CDK19: variants seen among roughly 807,000 people sequenced by gnomAD.
CDK19 encodes the protein cyclin dependent kinase 19, also known as cyclin-dependent kinase 19.
In CDK19, 20 loss-of-function variants were observed where a neutral mutation model predicts 68.3. The ratio of observed to expected loss-of-function variants is 0.29; its 90% confidence interval spans 0.21 to 0.43. The LOEUF is 0.43. Among genes scored for constraint, CDK19 ranks in the 20% least tolerant of loss-of-function variants. The probability of loss-of-function intolerance (pLI) is 1.00; values close to 1 mark genes in which losing one functional copy is unlikely to be tolerated. For missense variants in CDK19, 339 were observed against 623.5 expected (o/e 0.54, Z 4.86); for synonymous variants, 221 against 222.8 (o/e 0.99, Z 0.07).
intron 2 of CDK19, among the ~76,000 whole-genome samples, chr6:110,674,537 A>G (rs1488450257): frequency 6.6e-6 from 1 of 152,236 alleles, no homozygotes; most frequent in East Asian, 1.9e-4. Context: ...AGAAAGCAAA[A>G]CAGCCTTATT....
intron 2 of CDK19, among the ~76,000 whole-genome samples, chr6:110,678,030 T>G (rs935963683): frequency 6.6e-6 from 1 of 152,042 alleles, no homozygotes; most frequent in African/African-American, 2.4e-5. Context: ...TATTTTTTTG[T>G]AGAAATGGGG....
intron 1 of CDK19, among the ~76,000 whole-genome samples, chr6:110,783,994 T>C (rs1338129325): frequency 1.3e-5 from 2 of 151,588 alleles, no homozygotes; most frequent in Admixed American, 1.3e-4. Flanking sequence ...ACCCCATCTC[T>C]ACTAAAAATA....
At position 110,610,477 on chromosome 6, in the gene CDK19, G is replaced by A. The variant is rs1777964343; in HGVS notation, c.*4058C>T. 1 of 150,724 alleles carries A rather than the reference G, an allele frequency of 6.6e-6. No homozygotes were observed. The highest frequency in any genetic ancestry group is 2.5e-5 in the African/African-American group (1 of 40,162). The allele number at this position is 150,724 out of a possible 1,614,324, so 9.3% of individuals were successfully genotyped here. ...TATTTAGGAGATAACAGTGCATTAA[G>A]GGTTTTTTTTTTTATATAATACATA... On this transcript the variant is annotated 3_prime_UTR_variant, in exon 13 of 13. Transcript: ENST00000368911.
At chr6:110,615,498 A>T (rs1417183030) in intron 12 of CDK19, among the ~76,000 whole-genome samples, 4 of 152,212 alleles carry the variant, frequency 2.6e-5, no homozygotes, top group African/African-American at 9.6e-5. Flanking sequence ...GAAAGAATAT[A>T]TGTAATAAAG....
intron 1 of CDK19, among the ~76,000 whole-genome samples, chr6:110,783,644 A>C (rs1268601615): frequency 6.6e-6 from 1 of 151,952 alleles, no homozygotes; most frequent in African/African-American, 2.4e-5. Context: ...TCTCAAAAAA[A>C]AAAAAGAAAA....
Position 110,786,382 on chromosome 6 carries a change from T to C in CDK19, c.128+28627A>G, listed in dbSNP as rs542814971. On this transcript the variant is annotated intron_variant, in intron 1 of 12. Coordinates refer to ENST00000368911, the MANE Select transcript of CDK19 (RefSeq NM_015076.5). ...CTTTTTTTCCATACCCCCAATTTCCTTCATGATTTCCTTAACTGGCTCTGT... is the reference window on the plus strand; with the variant it reads ...CTTTTTTTCCATACCCCCAATTTCCCTCATGATTTCCTTAACTGGCTCTGT... 2.3e-3 allele frequency among the ~76,000 whole-genome samples: 347 copies of C among 152,284 alleles called. 1 individual carries two copies. The highest frequency in any genetic ancestry group is 3.5e-3 in the Non-Finnish European group (236 of 68,026).
At chr6:110,704,529 T>G (rs1170559815) in intron 2 of CDK19, among the ~76,000 whole-genome samples, 13 of 152,242 alleles carry the variant, frequency 8.5e-5, no homozygotes, top group African/African-American at 2.2e-4. Flanking sequence ...ATGGGGATTA[T>G]CTATACCACT....
chr6:110,678,707 T>A (rs1771738756), intron 2 of CDK19, among the ~76,000 whole-genome samples: 1 of 152,246 alleles, frequency 6.6e-6, no homozygotes, highest in South Asian at 2.1e-4. Flanking sequence ...AAATTATTTG[T>A]AATTCAATAG....
intron 2 of CDK19, among the ~76,000 whole-genome samples, chr6:110,693,900 G>A (rs919752959): frequency 6.6e-6 from 1 of 152,110 alleles, no homozygotes; most frequent in African/African-American, 2.4e-5. Flanking sequence ...AAATGAAGGG[G>A]AGATAAAGTA....
intron 1 of CDK19, among the ~76,000 whole-genome samples, chr6:110,753,007 G>T (rs1258227458): frequency 6.6e-6 from 1 of 152,000 alleles, no homozygotes; most frequent in African/African-American, 2.4e-5. Flanking sequence ...TCAACTCACT[G>T]CAGCCTCGAC....
chr6:110,754,182 A>G (rs1778677038), intron 1 of CDK19, among the ~76,000 whole-genome samples: 1 of 151,874 alleles, frequency 6.6e-6, no homozygotes, highest in South Asian at 2.1e-4. Context: ...GGCACAGGTC[A>G]TCACACCCAG....
At chr6:110,731,137 A>AAAAAG (rs560697495) in intron 2 of CDK19, among the ~76,000 whole-genome samples, 29 of 124,988 alleles carry the variant, frequency 2.3e-4, no homozygotes, top group Middle Eastern at 7.0e-3. Flanking sequence ...AAAGAAAAGA[A>AAAAAG]AAAAGAAAAG....
chr6:110,732,554 C>G (rs190921792), intron 2 of CDK19, among the ~76,000 whole-genome samples: 26 of 152,152 alleles, frequency 1.7e-4, no homozygotes, highest in Admixed American at 1.5e-3. Flanking sequence ...TGGCCCCAGG[C>G]TAACATTTTA....
intron 2 of CDK19, among the ~76,000 whole-genome samples, chr6:110,721,213 C>A (rs1458824522): frequency 6.6e-6 from 1 of 152,104 alleles, no homozygotes; most frequent in Admixed American, 6.6e-5. Flanking sequence ...GCACTCCAGT[C>A]TGGGTGACAG....
chr6:110,815,741 A>G (rs1415538934), upstream of CDK19: 2 of 152,458 alleles, frequency 1.3e-5, no homozygotes, highest in Non-Finnish European at 2.9e-5. Flanking sequence ...GCCTTACTCT[A>G]GTGGGAAGGG....
Position 110,772,987 on chromosome 6 carries a change from G to A in CDK19, c.129-26786C>T, listed in dbSNP as rs563092846. On this transcript the variant is annotated intron_variant, in intron 1 of 12. Coordinates refer to ENST00000368911, the MANE Select transcript of CDK19 (RefSeq NM_015076.5). ...TCTTAGCACTTTGGGAGGCTAAGGC[G>A]GGCAGATCGCTTGAGCCCAGGGGCT... Among the ~76,000 whole-genome samples, 55 of 149,918 alleles carry A rather than the reference G, an allele frequency of 3.7e-4. 1 individual carries two copies. Among genetic ancestry groups the A allele is most frequent in the Non-Finnish European group, 3.9e-4 (26 of 67,450 alleles).
intron 1 of CDK19, among the ~76,000 whole-genome samples, chr6:110,766,120 T>C (rs976906639): frequency 6.6e-6 from 1 of 152,162 alleles, no homozygotes; most frequent in Admixed American, 6.5e-5. Flanking sequence ...GGAAAGAGAA[T>C]CAGTATGTCA....
rs965864267 is a variant in CDK19, at chr6:110,644,030, A to G, written c.457-5324T>C. On this transcript the variant is annotated intron_variant, in intron 4 of 12. Coordinates refer to ENST00000368911, the MANE Select transcript of CDK19 (RefSeq NM_015076.5). ...AACAATTGGCCAGGCGCAGTGGCTC[A>G]TACCTGTAATCCCAGCACTTTGGGA... is the stretch of plus-strand genomic sequence containing the variant. 1.2e-4 allele frequency among the ~76,000 whole-genome samples: 19 copies of G among 152,292 alleles called. No individual in the cohort carries two copies. The East Asian group carries it at 2.5e-3, about 20-fold the overall frequency.
chr6:110,720,029 C>G (rs1232177765), intron 2 of CDK19, among the ~76,000 whole-genome samples: 3 of 140,706 alleles, frequency 2.1e-5, no homozygotes, highest in Non-Finnish European at 4.5e-5. Flanking sequence ...GGATTACAGG[C>G]ATGAGCCACT....
Sources: allele counts gnomAD v4.1 joint callset (sites outside exome capture counted in the v4.1 genomes callset), GRCh38; gene constraint gnomAD v4.1.1; transcripts MANE v1.5; gene names NCBI Gene and HGNC (gene_info 2026-07-23, HGNC 2026-07-21).